Variants in PHLPP1 observed in about 807,000 individuals in gnomAD.
PHLPP1 encodes the protein PH domain and leucine rich repeat protein phosphatase 1.
In PHLPP1, 42 loss-of-function variants were observed where a neutral mutation model predicts 117.2. The observed-to-expected ratio is 0.36, with a 90% CI of 0.28 to 0.46. The LOEUF is 0.46. Among genes scored for constraint, PHLPP1 ranks in the 20% least tolerant of loss-of-function variants. PHLPP1 has a pLI of 1.00. For missense variants in PHLPP1, 2,084 were observed against 2,241.9 expected, an observed-to-expected ratio of 0.93 and a Z score of 1.42; for synonymous variants, 1,042 against 970.7, an observed-to-expected ratio of 1.07 and a Z score of -1.37.
intron 3 of PHLPP1, among the ~76,000 whole-genome samples, chr18:62,859,062 G>A (rs1268897655): frequency 6.6e-6 from 1 of 152,192 alleles, no homozygotes; most frequent in African/African-American, 2.4e-5. Context: ...ACGTTCTACT[G>A]CCTTGTGTAA....
intron 14 of PHLPP1, among the ~76,000 whole-genome samples, chr18:62,968,119 A>T (rs1910955012): frequency 6.6e-6 from 1 of 152,172 alleles, no homozygotes; most frequent in African/African-American, 2.4e-5. Context: ...TACCACACCC[A>T]GCCTAAAGTA....
At chr18:62,879,959 A>G (rs1333688336) in intron 4 of PHLPP1, among the ~76,000 whole-genome samples, 1 of 151,882 alleles carries the variant, frequency 6.6e-6, no homozygotes, top group Non-Finnish European at 1.5e-5. Flanking sequence ...GTAAACACTC[A>G]TGGTACTTCC....
chr18:62,872,258 GA>G (rs1336785293), intron 4 of PHLPP1, among the ~76,000 whole-genome samples: 1 of 152,198 alleles, frequency 6.6e-6, no homozygotes, highest in African/African-American at 2.4e-5. Flanking sequence ...GAGACCAAAG[GA>G]AGATGAGTTA....
At chr18:62,931,874 G>A (rs144502864) in intron 10 of PHLPP1, among the ~76,000 whole-genome samples, 2,822 of 99,476 alleles carry the variant, frequency 0.028, 41 homozygotes, top group Middle Eastern at 0.095. Context: ...CAGCCTGGGC[G>A]ACAGAAAAAA....
intron 1 of PHLPP1, among the ~76,000 whole-genome samples, chr18:62,764,580 C>T (rs367704600): frequency 1.3e-5 from 2 of 151,658 alleles, no homozygotes; most frequent in Non-Finnish European, 2.9e-5. Flanking sequence ...GGTGAAACCC[C>T]GTCTCTACTA....
At chr18:62,897,254 A>G (rs533244401) in intron 6 of PHLPP1, among the ~76,000 whole-genome samples, 1 of 152,360 alleles carries the variant, frequency 6.6e-6, no homozygotes, top group African/African-American at 2.4e-5. Context: ...ACATAAGATC[A>G]ATCTGAAATG....
At chr18:62,943,909 G>A (rs919532634) in intron 11 of PHLPP1, among the ~76,000 whole-genome samples, 6 of 152,088 alleles carry the variant, frequency 3.9e-5, no homozygotes, top group African/African-American at 1.4e-4. Flanking sequence ...CATATTGTTT[G>A]TAGTCTATTC....
intron 1 of PHLPP1, among the ~76,000 whole-genome samples, chr18:62,770,441 C>T (rs1312838186): frequency 1.3e-5 from 2 of 152,168 alleles, no homozygotes; most frequent in South Asian, 2.1e-4. Flanking sequence ...ACTTGCAATC[C>T]AGTAACAACC....
intron 4 of PHLPP1, among the ~76,000 whole-genome samples, chr18:62,868,749 G>C (rs1843299686): frequency 6.6e-6 from 1 of 151,412 alleles, no homozygotes; most frequent in Admixed American, 6.6e-5. Context: ...ACCTATCATT[G>C]ATCAGAAAAA....
In PHLPP1 at chr18:62,936,646, G is replaced by T. The variant is rs1017530281; in HGVS notation, c.2961-5072G>T. ...ATCCTGATGTGATGCCCTGAGAAGG[G>T]CACAACCTCTGCGATATTTTTGCCA... On this transcript the variant is annotated intron_variant, in intron 10 of 16. Coordinates refer to ENST00000262719, the MANE Select transcript of PHLPP1 (RefSeq NM_194449.4). Among the ~76,000 whole-genome samples the T allele has an allele frequency of 5.7e-4, 87 of 152,118 alleles. 1 individual carries two copies. The highest frequency in any genetic ancestry group is 2.1e-3 in the African/African-American group (86 of 41,408).
At position 62,963,488 on chromosome 18, in the gene PHLPP1, C is replaced by T. The variant is rs1000508134; in HGVS notation, c.3560+16C>T. On this transcript the variant is annotated intron_variant, in intron 14 of 16. Coordinates refer to ENST00000262719, the MANE Select transcript of PHLPP1 (RefSeq NM_194449.4). Reference sequence around the variant, plus strand: ...TAAAAAACAAGTAAGTCAGATGAAACTTTAGAGGAAGAAGTGCCTCCTGCC... The same window carrying T: ...TAAAAAACAAGTAAGTCAGATGAAATTTTAGAGGAAGAAGTGCCTCCTGCC... 6.5e-7 allele frequency: 1 copy of T among 1,539,054 alleles called. No homozygotes were observed. The highest frequency in any genetic ancestry group is 1.4e-5 in the African/African-American group (1 of 73,392).
intron 9 of PHLPP1, among the ~76,000 whole-genome samples, chr18:62,917,396 TTGTGTGTGTGTG>T (rs34407573): frequency 1.6e-4 from 22 of 141,486 alleles, no homozygotes; most frequent in Middle Eastern, 3.5e-3. Context: ...ACAGTATTCT[TTGTGTGTGTGTG>T]TGTGTGTGTG....
intron 11 of PHLPP1, among the ~76,000 whole-genome samples, 198 bp downstream of exon 11, chr18:62,942,116 A>C (rs1179875209): frequency 6.6e-6 from 1 of 152,238 alleles, no homozygotes; most frequent in East Asian, 1.9e-4. Flanking sequence ...ATATGTGTCC[A>C]AAGACCTAAT....
intron 4 of PHLPP1, among the ~76,000 whole-genome samples, chr18:62,869,574 T>C (rs1169091871): frequency 6.6e-6 from 1 of 152,234 alleles, no homozygotes; most frequent in East Asian, 1.9e-4. Context: ...GTACTTGATC[T>C]AAATGGAGCA....
chr18:62,857,079 T>C lies in PHLPP1; in HGVS notation c.1900-3356T>C, dbSNP rs115786659. Among the ~76,000 whole-genome samples the C allele has an allele frequency of 2.7e-3, 409 of 149,686 alleles. 2 individuals carry two copies. Among genetic ancestry groups the C allele is most frequent in the African/African-American group, 9.8e-3 (398 of 40,516 alleles). On this transcript the variant is annotated intron_variant, in intron 3 of 16. Coordinates refer to ENST00000262719, the MANE Select transcript of PHLPP1 (RefSeq NM_194449.4). ...AACGGTAATTGGCACCTCTAGTAGA[T>C]ATTCAGTAAACATGTTGAATGAATG...
chr18:62,978,928 G>A lies in PHLPP1; in HGVS notation c.4651G>A (p.Glu1551Lys). 2 of 1,608,400 alleles carry A rather than the reference G, an allele frequency of 1.2e-6. No homozygotes were observed. Among genetic ancestry groups the A allele is most frequent in the Middle Eastern group, 3.3e-4 (2 of 6,054 alleles). Residue 1551 changes from glutamate (E) to lysine (K), a missense_variant, in exon 17 of 17, where the codon GAG becomes AAG. Glu to Lys is a moderately conservative substitution (Grantham distance 56, BLOSUM62 1). This residue lies in a region of PHLPP1 where 1,365 missense variants were observed against 1,605.9 expected (regional missense o/e 0.85). Coordinates refer to ENST00000262719, the MANE Select transcript of PHLPP1 (RefSeq NM_194449.4). This position sits in a 1 kb window ranked among gnomAD's most constrained non-coding sequence, Gnocchi z 7.0. ...CAACGGCCTTGACAGTGACGATGAG[G>A]AGCCCATCGAGGGCGTCTTCACCAA... ...SDNGLDSDDE[E>K]PIEGVFTNGS...
At chr18:62,827,448 G>T (rs562550834) in intron 1 of PHLPP1, among the ~76,000 whole-genome samples, 1 of 152,182 alleles carries the variant, frequency 6.6e-6, no homozygotes, top group African/African-American at 2.4e-5. Context: ...TTATGTTGTA[G>T]AACAAGGAAG....
intron 6 of PHLPP1, among the ~76,000 whole-genome samples, chr18:62,900,352 A>T (rs1186084579): frequency 2.0e-5 from 3 of 147,542 alleles, no homozygotes; most frequent in African/African-American, 7.5e-5. Flanking sequence ...AATAAATAAA[A>T]AGTTTGTCCT....
At chr18:62,884,112 T>G (rs573646175) in intron 4 of PHLPP1, among the ~76,000 whole-genome samples, 5 of 152,362 alleles carry the variant, frequency 3.3e-5, no homozygotes, top group Admixed American at 6.5e-5. Flanking sequence ...CTGTGTATTA[T>G]GCAGCTGTCA....
Sources: gnomAD v4.1 joint callset for allele counts (sites outside exome capture counted in the v4.1 genomes callset) on GRCh38, gnomAD v4.1.1 for gene constraint, gnomAD v4.1.1 regional missense constraint, Gnocchi (gnomAD v3.1) non-coding constraint, MANE v1.5 for transcripts, NCBI Gene and HGNC (gene_info 2026-07-23, HGNC 2026-07-21) for gene names.